The following FRMD4A variants were observed in gnomAD, a reference collection of about 807,000 sequenced individuals.
FRMD4A encodes the protein FERM domain containing 4A.
Under a neutral mutation model 129.1 loss-of-function variants are expected in FRMD4A, and 29 were observed. The ratio of observed to expected loss-of-function variants is 0.22; its 90% confidence interval spans 0.17 to 0.31. The LOEUF (loss-of-function observed/expected upper bound fraction) is 0.31. FRMD4A is among the 10% of genes least tolerant of loss of function. FRMD4A has a pLI of 1.00. For missense variants in FRMD4A, 1,272 were observed against 1,375.8 expected (o/e 0.92, Z 1.19); for synonymous variants, 634 against 571.6 (o/e 1.11, Z -1.56).
At chr10:13,971,919 G>A (rs945896999) in intron 2 of FRMD4A, 35 of 1,243,812 alleles carry the variant, frequency 2.8e-5, no homozygotes, top group Non-Finnish European at 3.5e-5. Flanking sequence ...AAAAAATGCA[G>A]TCCAAATAAC....
At chr10:14,073,645 A>T (rs1350111854) in intron 2 of FRMD4A, among the ~76,000 whole-genome samples, 1 of 152,056 alleles carries the variant, frequency 6.6e-6, no homozygotes, top group Non-Finnish European at 1.5e-5. Flanking sequence ...GCTGCTGTAG[A>T]AGAAGCGAAC....
intron 2 of FRMD4A, chr10:14,003,428 A>T (rs1441964600): frequency 6.6e-6 from 1 of 152,320 alleles, no homozygotes; most frequent in East Asian, 1.9e-4. Context: ...TGTCCAGTCC[A>T]GCTTGGGGGT....
At chr10:14,095,521 C>G (rs900720074) in intron 2 of FRMD4A, among the ~76,000 whole-genome samples, 1 of 152,174 alleles carries the variant, frequency 6.6e-6, no homozygotes, top group East Asian at 1.9e-4. Flanking sequence ...CATAAAGAGC[C>G]GAAGCACCTC....
chr10:14,321,577 T>C (rs1425984652), intron 2 of FRMD4A, among the ~76,000 whole-genome samples: 1 of 152,012 alleles, frequency 6.6e-6, no homozygotes, highest in Non-Finnish European at 1.5e-5. Flanking sequence ...GATCTGTAAG[T>C]GAGTAATGTG....
chr10:13,670,605 G>T, intron 16 of FRMD4A, 77 bp from the exon 17 acceptor site: 1 of 1,389,048 alleles, frequency 7.2e-7, no homozygotes, highest in Non-Finnish European at 1.0e-6. Context: ...ACACACACAC[G>T]CACATACACG....
At chr10:13,682,532 G>A (rs1212569608) in intron 15 of FRMD4A, among the ~76,000 whole-genome samples, 43 of 117,558 alleles carry the variant, frequency 3.7e-4, no homozygotes, top group East Asian at 4.5e-4. Context: ...ACAGAGTCTC[G>A]CTTTGTCACC....
In FRMD4A at chr10:13,740,177, C is replaced by T. The variant is rs2090904464; in HGVS notation, c.672+17G>A. On this transcript the variant is annotated intron_variant, in intron 11 of 24. Transcript: ENST00000357447. ...TTAGGGGAGGTTTGGTAACCTTCAC[C>T]AAATGAGTCTACTCACCTTCACTGC... The T allele has an allele frequency of 2.0e-6, 3 of 1,505,198 alleles. No homozygotes were observed. The South Asian group carries it at 3.4e-5, about 17-fold the overall frequency. The allele number at this position is 1,505,198 out of a possible 1,614,324, so 93.2% of individuals were successfully genotyped here. A position where few individuals can be genotyped will look rare whatever the true frequency, so the allele number is the denominator to read the frequency against.
intron 2 of FRMD4A, among the ~76,000 whole-genome samples, chr10:13,985,610 A>G (rs933898981): frequency 6.6e-6 from 1 of 152,234 alleles, no homozygotes; most frequent in Non-Finnish European, 1.5e-5. Context: ...CAGGGTTAGC[A>G]AAAGCCAGCC....
intron 2 of FRMD4A, among the ~76,000 whole-genome samples, chr10:14,111,368 G>A (rs967394869): frequency 3.3e-5 from 5 of 152,062 alleles, no homozygotes; most frequent in African/African-American, 1.2e-4. Context: ...TTTCCCTGAG[G>A]CATGGATCCA....
intron 2 of FRMD4A, among the ~76,000 whole-genome samples, chr10:14,218,413 T>G (rs752640895): frequency 1.3e-5 from 2 of 152,246 alleles, no homozygotes; most frequent in African/African-American, 2.4e-5. Flanking sequence ...ATTAACCCAC[T>G]AGCTTTCAGT....
intron 2 of FRMD4A, among the ~76,000 whole-genome samples, chr10:14,209,593 C>T (rs1842879968): frequency 6.6e-6 from 1 of 151,934 alleles, no homozygotes; most frequent in African/African-American, 2.4e-5. Flanking sequence ...TGGTGGTGGG[C>T]ACCTATAGTC....
At chr10:14,109,978 C>G (rs151304193) in intron 2 of FRMD4A, among the ~76,000 whole-genome samples, 8 of 147,226 alleles carry the variant, frequency 5.4e-5, no homozygotes, top group African/African-American at 1.5e-4. Flanking sequence ...CTCCCTCCCC[C>G]AAACCCACCA....
chr10:13,679,196 G>A (rs1157825811), intron 15 of FRMD4A, among the ~76,000 whole-genome samples: 1 of 151,372 alleles, frequency 6.6e-6, no homozygotes, highest in African/African-American at 2.4e-5. Flanking sequence ...GGCTGAGGCA[G>A]GTGGGTCACG....
At chr10:13,799,615 T>C (rs751484398) in intron 4 of FRMD4A, among the ~76,000 whole-genome samples, 22 of 152,316 alleles carry the variant, frequency 1.4e-4, no homozygotes, top group Non-Finnish European at 2.8e-4. Context: ...GGGTCTTCTC[T>C]TGGGGCTCAG....
At chr10:14,031,554 A>C (rs1833246173) in intron 2 of FRMD4A, among the ~76,000 whole-genome samples, 1 of 152,180 alleles carries the variant, frequency 6.6e-6, no homozygotes, top group Non-Finnish European at 1.5e-5. Context: ...AGGCACACCC[A>C]GCCTTACAGA....
At chr10:13,930,563 A>T (rs1353524287) in intron 2 of FRMD4A, among the ~76,000 whole-genome samples, 1 of 152,168 alleles carries the variant, frequency 6.6e-6, no homozygotes, top group Non-Finnish European at 1.5e-5. Flanking sequence ...GTTGAAAATG[A>T]TTCTCTCTAA....
chr10:13,829,667 G>A (rs1400014910), intron 3 of FRMD4A, among the ~76,000 whole-genome samples: 3 of 152,190 alleles, frequency 2.0e-5, no homozygotes, highest in Non-Finnish European at 4.4e-5. Context: ...TTTCAGGGCT[G>A]TCTTTCACCA....
At chr10:13,900,701 A>T (rs2094809637) in intron 2 of FRMD4A, among the ~76,000 whole-genome samples, 1 of 152,086 alleles carries the variant, frequency 6.6e-6, no homozygotes, top group South Asian at 2.1e-4. Context: ...GTTTGAGACC[A>T]GCCTGGCCAA....
chr10:13,856,511 A>G (rs1343188305), intron 3 of FRMD4A, among the ~76,000 whole-genome samples: 2 of 152,124 alleles, frequency 1.3e-5, no homozygotes, highest in African/African-American at 4.8e-5. Flanking sequence ...TGGCCATGTC[A>G]TAAGAAAGAA....
Sources: gnomAD v4.1 joint callset for allele counts (sites outside exome capture counted in the v4.1 genomes callset) on GRCh38, gnomAD v4.1.1 for gene constraint, MANE v1.5 for transcripts, NCBI Gene and HGNC (gene_info 2026-07-23, HGNC 2026-07-21) for gene names.